Variants in CTNNA3 observed in about 807,000 individuals in gnomAD.
CTNNA3 encodes the protein catenin alpha 3.
In CTNNA3, 76 loss-of-function variants were observed where a neutral mutation model predicts 95.7. That is an observed-to-expected ratio of 0.79 (90% CI 0.66 to 0.96). The LOEUF is 0.96. Among genes scored for constraint, CTNNA3 ranks in the 40% least tolerant of loss-of-function variants. CTNNA3 has a pLI of 0.00. For synonymous variants in CTNNA3, 431 were observed against 374.4 expected, an observed-to-expected ratio of 1.15 and a Z score of -1.74; for missense variants, 1,191 against 1,089.8, an observed-to-expected ratio of 1.09 and a Z score of -1.31.
chr10:67,093,670 C>A (rs373531671), intron 7 of CTNNA3, among the ~76,000 whole-genome samples: 1 of 151,672 alleles, frequency 6.6e-6, no homozygotes, highest in South Asian at 2.1e-4. Flanking sequence ...AACTGAAACT[C>A]CCCCCCAACA....
At chr10:67,291,668 A>T (rs1190728213) in intron 5 of CTNNA3, among the ~76,000 whole-genome samples, 1 of 152,134 alleles carries the variant, frequency 6.6e-6, no homozygotes, top group Non-Finnish European at 1.5e-5. Context: ...TACCATAAAT[A>T]CCTAGATTGT....
At chr10:66,526,713 A>C (rs1841279532) in intron 10 of CTNNA3, among the ~76,000 whole-genome samples, 1 of 152,186 alleles carries the variant, frequency 6.6e-6, no homozygotes, top group Non-Finnish European at 1.5e-5. Context: ...GATGCTGAAC[A>C]TCTTTTCATG....
At chr10:66,340,252 T>C (rs2092440009) in intron 12 of CTNNA3, among the ~76,000 whole-genome samples, 1 of 151,820 alleles carries the variant, frequency 6.6e-6, no homozygotes, top group African/African-American at 2.4e-5. Context: ...AAAAGTCACA[T>C]TCAGTATAAA....
At chr10:66,825,654 T>C (rs1842480479) in intron 7 of CTNNA3, among the ~76,000 whole-genome samples, 1 of 152,176 alleles carries the variant, frequency 6.6e-6, no homozygotes, top group African/African-American at 2.4e-5. Context: ...TGTTCCTTTT[T>C]ATCTTAAACC....
chr10:66,171,613 A>G (rs2085436534), intron 13 of CTNNA3, among the ~76,000 whole-genome samples: 1 of 152,034 alleles, frequency 6.6e-6, no homozygotes, highest in Non-Finnish European at 1.5e-5. Context: ...GACCTTAAGC[A>G]TGTGTTCGTT....
At chr10:67,027,553 G>T (rs1017343046) in intron 7 of CTNNA3, among the ~76,000 whole-genome samples, 3 of 150,714 alleles carry the variant, frequency 2.0e-5, no homozygotes, top group Non-Finnish European at 4.4e-5. Context: ...TCCTGCCTCA[G>T]CCTTCCGAGT....
intron 7 of CTNNA3, among the ~76,000 whole-genome samples, chr10:67,078,585 C>T (rs932701387): frequency 4.6e-5 from 7 of 152,058 alleles, no homozygotes; most frequent in South Asian, 2.1e-4. Context: ...GGTGCAATCT[C>T]GGCTCACTGC....
intron 7 of CTNNA3, among the ~76,000 whole-genome samples, chr10:66,852,878 T>A (rs1843546292): frequency 6.6e-6 from 1 of 152,182 alleles, no homozygotes. Flanking sequence ...TTAATTTAAC[T>A]CCTCATCCCT....
At chr10:66,806,937 C>G (rs1326343573) in intron 7 of CTNNA3, among the ~76,000 whole-genome samples, 2 of 151,732 alleles carry the variant, frequency 1.3e-5, no homozygotes. Flanking sequence ...TGATAGAAAC[C>G]AAACCAGTAA....
intron 7 of CTNNA3, among the ~76,000 whole-genome samples, chr10:67,037,217 A>T (rs1854114379): frequency 6.6e-6 from 1 of 152,180 alleles, no homozygotes; most frequent in African/African-American, 2.4e-5. Flanking sequence ...TTTACTTGTA[A>T]GTAATGTGTC....
At chr10:67,188,756 T>G (rs1323634296) in intron 6 of CTNNA3, among the ~76,000 whole-genome samples, 2 of 152,146 alleles carry the variant, frequency 1.3e-5, no homozygotes, top group African/African-American at 4.8e-5. Context: ...TGTCTACCAA[T>G]GGCCAAATGG....
At chr10:67,576,675 G>A (rs952138635) in intron 3 of CTNNA3, among the ~76,000 whole-genome samples, 172 of 140,814 alleles carry the variant, frequency 1.2e-3, no homozygotes, top group African/African-American at 4.6e-3. Context: ...TTTAGCATTA[G>A]GTATATCTCC....
At chr10:67,601,033 A>G (rs1239497063) in intron 3 of CTNNA3, among the ~76,000 whole-genome samples, 4 of 152,198 alleles carry the variant, frequency 2.6e-5, no homozygotes, top group African/African-American at 9.6e-5. Context: ...TAGCGGGGAC[A>G]AGGGGCCCTC....
At chr10:66,211,337 G>T (rs181826546) in intron 13 of CTNNA3, among the ~76,000 whole-genome samples, 22 of 152,264 alleles carry the variant, frequency 1.4e-4, no homozygotes, top group Admixed American at 9.2e-4. Flanking sequence ...GCTCTAAAGG[G>T]CTCCAGATAT....
chr10:66,323,896 T>C lies in CTNNA3; in HGVS notation c.1733-43275A>G, dbSNP rs748432762. Among the ~76,000 whole-genome samples, 48 of 151,774 alleles carry C rather than the reference T, an allele frequency of 3.2e-4. 1 individual carries two copies. The highest frequency in any genetic ancestry group is 6.5e-4 in the Non-Finnish European group (44 of 67,914). On this transcript the variant is annotated intron_variant, in intron 12 of 17. Coordinates refer to ENST00000433211, the MANE Select transcript of CTNNA3 (RefSeq NM_013266.4). Reference sequence around the variant, plus strand: ...GCAGAGAAAGAGGGAAGAGGGGGAATGTCTGAGTGCTGAGAGGAGTTCGGC... The same window carrying C: ...GCAGAGAAAGAGGGAAGAGGGGGAACGTCTGAGTGCTGAGAGGAGTTCGGC...
intron 7 of CTNNA3, 48 bp downstream of exon 7, chr10:67,180,269 G>C (rs375322376): frequency 1.6e-5 from 24 of 1,479,044 alleles, no homozygotes; most frequent in Non-Finnish European, 2.0e-5. Flanking sequence ...TATATTCAAA[G>C]TACAAGGGAA....
In CTNNA3 at chr10:67,061,349, A is replaced by T. The variant is rs866894022; in HGVS notation, c.1047+118968T>A. ...AATATGTGAACTACATGATGACAGC[A>T]CTATTTACAAAATAGAAACGTTTGG... On this transcript the variant is annotated intron_variant, in intron 7 of 17. Transcript: ENST00000433211. 3.9e-5 allele frequency among the ~76,000 whole-genome samples: 6 copies of T among 152,326 alleles called. No homozygotes were observed. In the Middle Eastern group the frequency reaches 0.014, roughly 345 times the overall value.
chr10:66,347,046 T>A (rs4408218), intron 12 of CTNNA3, among the ~76,000 whole-genome samples: 55,216 of 151,804 alleles, frequency 0.36, 11,493 homozygotes, highest in Non-Finnish European at 0.46. Flanking sequence ...AAAAAATTCA[T>A]GTACTAGAGT....
chr10:66,722,738 C>G (rs1398883682), intron 9 of CTNNA3, among the ~76,000 whole-genome samples: 2 of 151,844 alleles, frequency 1.3e-5, no homozygotes, highest in African/African-American at 2.4e-5. Context: ...CATTTTAAGT[C>G]TTTGCTCATA....
Sources: gnomAD v4.1 joint callset for allele counts (sites outside exome capture counted in the v4.1 genomes callset) on GRCh38, gnomAD v4.1.1 for gene constraint, MANE v1.5 for transcripts, NCBI Gene and HGNC (gene_info 2026-07-23, HGNC 2026-07-21) for gene names.